PAPPA: variants seen among roughly 807,000 people sequenced by gnomAD.
PAPPA encodes pappalysin-1.
Under a neutral mutation model 164.0 loss-of-function variants are expected in PAPPA, and 60 were observed. The ratio of observed to expected loss-of-function variants is 0.37; its 90% CI spans 0.30 to 0.45. The LOEUF is 0.45. PAPPA is among the 20% of genes least tolerant of loss of function. PAPPA has a pLI of 1.00. For synonymous variants in PAPPA, 875 were observed against 814.1 expected (o/e 1.07, Z -1.27); for missense variants, 1,782 against 2,087.3 (o/e 0.85, Z 2.85).
At chr9:116,216,824 T>C (rs111770362) in intron 4 of PAPPA, among the ~76,000 whole-genome samples, 14,897 of 152,004 alleles carry the variant, frequency 0.098, 795 homozygotes, top group South Asian at 0.15. Flanking sequence ...TCACTGCAAC[T>C]TCTGCCTCCC....
intron 1 of PAPPA, among the ~76,000 whole-genome samples, chr9:116,178,684 G>A (rs1843865538): frequency 1.3e-5 from 2 of 152,218 alleles, no homozygotes; most frequent in African/African-American, 4.8e-5. Context: ...CAGTGGCCAT[G>A]TGCCAAGTGC....
chr9:116,205,976 CAT>C (rs1388069329), intron 2 of PAPPA, among the ~76,000 whole-genome samples: 2 of 152,148 alleles, frequency 1.3e-5, no homozygotes, highest in African/African-American at 4.8e-5. Flanking sequence ...AGGGATGAGA[CAT>C]GTGTACCTAG....
intron 20 of PAPPA, among the ~76,000 whole-genome samples, chr9:116,380,511 C>T (rs1846716869): frequency 6.6e-6 from 1 of 152,166 alleles, no homozygotes; most frequent in Non-Finnish European, 1.5e-5. Flanking sequence ...AATTAGTCTC[C>T]ATCATTATTC....
At chr9:116,206,875 G>A (rs1214222555) in intron 2 of PAPPA, among the ~76,000 whole-genome samples, 3 of 152,134 alleles carry the variant, frequency 2.0e-5, no homozygotes, top group Admixed American at 6.6e-5. Flanking sequence ...GAATAAAATT[G>A]CCAATGGGAT....
chr9:116,180,537 A>G (rs1843892142), intron 1 of PAPPA, among the ~76,000 whole-genome samples: 1 of 152,164 alleles, frequency 6.6e-6, no homozygotes, highest in East Asian at 1.9e-4. Context: ...TATTATTATC[A>G]TTATTTATTT....
At chr9:116,160,089 A>G (rs1843649715) in intron 1 of PAPPA, among the ~76,000 whole-genome samples, 2 of 152,176 alleles carry the variant, frequency 1.3e-5, no homozygotes, top group South Asian at 4.2e-4. Flanking sequence ...AAGCCTTCTC[A>G]GGTAATGTTG....
intron 9 of PAPPA, among the ~76,000 whole-genome samples, chr9:116,277,325 G>A (rs999505929): frequency 1.3e-5 from 2 of 152,246 alleles, no homozygotes; most frequent in Non-Finnish European, 2.9e-5. Context: ...TATGAAAGAG[G>A]AAAAAGAAAG....
At chr9:116,368,875 G>A (rs1367392081) in intron 19 of PAPPA, among the ~76,000 whole-genome samples, 3 of 152,114 alleles carry the variant, frequency 2.0e-5, no homozygotes, top group African/African-American at 4.8e-5. Context: ...CAAATGCGCT[G>A]AGGGCACGAT....
chr9:116,298,370 C>T (rs1319844694), intron 9 of PAPPA, among the ~76,000 whole-genome samples: 1 of 152,208 alleles, frequency 6.6e-6, no homozygotes, highest in African/African-American at 2.4e-5. Flanking sequence ...CTGGAGAAGA[C>T]AGACTTTGCT....
chr9:116,343,425 G>A (rs536701359), intron 13 of PAPPA, among the ~76,000 whole-genome samples: 11 of 152,284 alleles, frequency 7.2e-5, no homozygotes, highest in Admixed American at 5.2e-4. Flanking sequence ...GGTGCTTGCC[G>A]AGGGACACAA....
rs1442622661 is a variant in PAPPA at position 116,396,529 on chromosome 9, C to T, written c.4797C>T (p.Ser1599=). The change falls in exon 22 of 22, where the codon TCC becomes TCT. Residue 1599 remains serine, a synonymous_variant. Transcript: ENST00000328252. The part of the protein sequence containing the change: ...KTKKVTPFPM[S]CDLQGDCACR... Reference sequence around the variant, plus strand: ...TGCAGGTCACCCCATTCCCTATGTCCTGTGATCTACAAGGTGACTGTGCTT... The same window carrying T: ...TGCAGGTCACCCCATTCCCTATGTCTTGTGATCTACAAGGTGACTGTGCTT... 6.4e-6 allele frequency: 5 copies of T among 780,770 alleles called. No homozygotes were observed. In the South Asian group the frequency reaches 6.7e-5, roughly 10 times the overall value. The allele number at this position is 780,770 out of a possible 1,614,324, so 48.4% of individuals were successfully genotyped here.
intron 1 of PAPPA, among the ~76,000 whole-genome samples, chr9:116,165,506 A>G (rs1186842545): frequency 2.0e-5 from 3 of 152,162 alleles, no homozygotes; most frequent in African/African-American, 7.2e-5. Context: ...TGTACCTTAA[A>G]TCCTCTTTAT....
At chr9:116,243,765 A>C (rs536789933) in intron 7 of PAPPA, among the ~76,000 whole-genome samples, 469 of 152,260 alleles carry the variant, frequency 3.1e-3, no homozygotes, top group Non-Finnish European at 4.6e-3. Flanking sequence ...GAGGAGGAGG[A>C]GGCTTAGGAA....
At chr9:116,307,229 T>C (rs1845657850) in intron 10 of PAPPA, among the ~76,000 whole-genome samples, 1 of 152,228 alleles carries the variant, frequency 6.6e-6, no homozygotes, top group Admixed American at 6.5e-5. Flanking sequence ...CGATTGGGTA[T>C]ATTAGTCCTT....
intron 9 of PAPPA, chr9:116,287,373 C>G (rs1397554845): frequency 6.6e-6 from 1 of 152,140 alleles, no homozygotes; most frequent in Non-Finnish European, 1.5e-5. Flanking sequence ...AGAGGTTAAA[C>G]TGTGAATAAA....
chr9:116,260,089 A>T (rs978874481), intron 7 of PAPPA, among the ~76,000 whole-genome samples: 1 of 152,210 alleles, frequency 6.6e-6, no homozygotes, highest in Non-Finnish European at 1.5e-5. Context: ...TAGTATTGAA[A>T]CATCTATGAA....
In PAPPA at chr9:116,187,115, T is replaced by A; in HGVS notation, c.416-39T>A. 2 of 1,435,644 alleles carry A rather than the reference T, an allele frequency of 1.4e-6. No individual in the cohort carries two copies. Among genetic ancestry groups the A allele is most frequent in the Non-Finnish European group, 2.0e-6 (2 of 1,024,634 alleles). The allele number at this position is 1,435,644 out of a possible 1,614,324, so 88.9% of individuals were successfully genotyped here. A position where few individuals can be genotyped will look rare whatever the true frequency, so the allele number is the denominator to read the frequency against. On this transcript the variant is annotated intron_variant, in intron 1 of 21. Coordinates refer to ENST00000328252, the MANE Select transcript of PAPPA (RefSeq NM_002581.5). The surrounding 1 kb of genome is among the most constrained non-coding windows in gnomAD (Gnocchi z 4.2). Reference sequence around the variant, plus strand: ...TAACTTAACCCCCCCTCCTTTTCCATCCTTTATTTATTCATCTTTCTCTTT... The same window carrying A: ...TAACTTAACCCCCCCTCCTTTTCCAACCTTTATTTATTCATCTTTCTCTTT...
At chr9:116,179,682 A>C (rs1224783869) in intron 1 of PAPPA, among the ~76,000 whole-genome samples, 2 of 152,154 alleles carry the variant, frequency 1.3e-5, no homozygotes, top group Non-Finnish European at 2.9e-5. Context: ...TGAGTCCTCC[A>C]GGTCATTTTG....
intron 7 of PAPPA, among the ~76,000 whole-genome samples, chr9:116,253,566 C>T (rs999025399): frequency 2.0e-5 from 3 of 152,134 alleles, no homozygotes; most frequent in Admixed American, 6.5e-5. Flanking sequence ...CCAACCACCC[C>T]TCACCACCAA....
Sources: gnomAD v4.1 joint callset for allele counts (sites outside exome capture counted in the v4.1 genomes callset) on GRCh38, gnomAD v4.1.1 for gene constraint, Gnocchi (gnomAD v3.1) non-coding constraint, MANE v1.5 for transcripts, NCBI Gene and HGNC (gene_info 2026-07-23, HGNC 2026-07-21) for gene names.